Variants in IRS1 observed in about 807,000 individuals in gnomAD.
IRS1 encodes insulin receptor substrate 1.
Under a neutral mutation model 65.6 loss-of-function variants are expected in IRS1, and 34 were observed. That is an observed-to-expected ratio of 0.52 (90% confidence interval 0.39 to 0.69). IRS1 has a LOEUF of 0.69. IRS1 is among the 30% of genes least tolerant of loss of function. The pLI is 0.00. For missense variants in IRS1, 1,641 were observed against 1,720.2 expected, an observed-to-expected ratio of 0.95 and a Z score of 0.81; for synonymous variants, 699 against 683.5, an observed-to-expected ratio of 1.02 and a Z score of -0.35.
chr2:226,784,988 A>G (rs1464186277), intron 1 of IRS1, among the ~76,000 whole-genome samples: 1 of 152,224 alleles, frequency 6.6e-6, no homozygotes, highest in African/African-American at 2.4e-5. Context: ...AATAAGTGAC[A>G]GGACATCACT....
intron 1 of IRS1, among the ~76,000 whole-genome samples, chr2:226,753,370 A>G (rs1027613650): frequency 4.6e-5 from 7 of 152,214 alleles, no homozygotes; most frequent in Non-Finnish European, 7.3e-5. Flanking sequence ...AAAGCACCCT[A>G]AAGTTTTATA....
intron 1 of IRS1, among the ~76,000 whole-genome samples, chr2:226,773,830 AG>A (rs1939209566): frequency 2.0e-5 from 3 of 152,194 alleles, no homozygotes; most frequent in Non-Finnish European, 4.4e-5. Flanking sequence ...CCACTCCAGG[AG>A]AGTAGTCTTA....
At chr2:226,789,913 G>T (rs905898715) in intron 1 of IRS1, among the ~76,000 whole-genome samples, 1 of 152,170 alleles carries the variant, frequency 6.6e-6, no homozygotes, top group Non-Finnish European at 1.5e-5. Context: ...AGCAAGAAAA[G>T]TTAATGTCAG....
Position 226,798,197 on chromosome 2 carries a change from C to T in IRS1, c.542G>A (p.Gly181Asp). The T allele has an allele frequency of 1.2e-6, 2 of 1,613,962 alleles. No individual in the cohort carries two copies. Among genetic ancestry groups the T allele is most frequent in the Non-Finnish European group, 1.7e-6 (2 of 1,180,030 alleles). ...GCTGGTCAGGCAAAGGCGGTAGATA[C>T]CAATCAGGTTCTTTGTCTGACCCAG... is the stretch of plus-strand genomic sequence containing the variant. ...KGLGQTKNLIGIYRLCLTSKT... is the reference protein window; with the variant it reads ...KGLGQTKNLIDIYRLCLTSKT... The change falls in exon 1 of 2, where the codon GGT becomes GAT. Residue 181 changes from glycine to aspartate, a missense_variant. Transcript: ENST00000305123. This position sits in a 1 kb window ranked among gnomAD's most constrained non-coding sequence, Gnocchi z 9.4.
rs1939846263 is a variant in IRS1 at position 226,799,532 on chromosome 2, C to T, written c.-794G>A. 2 of 1,082,412 alleles carry T rather than the reference C, an allele frequency of 1.8e-6. No homozygotes were observed. Among genetic ancestry groups the T allele is most frequent in the Admixed American group, 5.1e-5 (1 of 19,680 alleles). The allele number at this position is 1,082,412 out of a possible 1,614,324, so 67.1% of individuals were successfully genotyped here. On this transcript the variant is annotated 5_prime_UTR_variant, in exon 1 of 2. Coordinates refer to ENST00000305123, the MANE Select transcript of IRS1 (RefSeq NM_005544.3). The surrounding 1 kb of genome is among the most constrained non-coding windows in gnomAD (Gnocchi z 6.1). Reference sequence around the variant, plus strand: ...CGGAGGGACAGACTCATCCCTGCCCCTCGCTCCAGGCGGCTGGGGAGGAGG... The same window carrying T: ...CGGAGGGACAGACTCATCCCTGCCCTTCGCTCCAGGCGGCTGGGGAGGAGG...
chr2:226,799,544 G>T lies in IRS1; in HGVS notation c.-806C>A, dbSNP rs1338121468. 1 of 1,073,022 alleles carries T rather than the reference G, an allele frequency of 9.3e-7. No individual in the cohort carries two copies. Among genetic ancestry groups the T allele is most frequent in the Non-Finnish European group, 1.1e-6 (1 of 872,100 alleles). The allele number at this position is 1,073,022 out of a possible 1,614,324, so 66.5% of individuals were successfully genotyped here. The stretch of plus-strand genomic sequence containing the variant: ...CTCATCCCTGCCCCTCGCTCCAGGC[G>T]GCTGGGGAGGAGGGGAGGGGACAAG... On this transcript the variant is annotated 5_prime_UTR_variant, in exon 1 of 2. Transcript: ENST00000305123. This position sits in a 1 kb window ranked among gnomAD's most constrained non-coding sequence, Gnocchi z 6.1.
At position 226,799,714 on chromosome 2, in the gene IRS1, G is replaced by C. The variant is rs1939853515; in HGVS notation, c.-976C>G. 3 of 999,682 alleles carry C rather than the reference G, an allele frequency of 3.0e-6. No homozygotes were observed. Among genetic ancestry groups the C allele is most frequent in the Admixed American group, 1.2e-4 (2 of 16,274 alleles). The allele number at this position is 999,682 out of a possible 1,614,324, so 61.9% of individuals were successfully genotyped here. On this transcript the variant is annotated 5_prime_UTR_variant, in exon 1 of 2. Coordinates refer to ENST00000305123, the MANE Select transcript of IRS1 (RefSeq NM_005544.3). This position sits in a 1 kb window ranked among gnomAD's most constrained non-coding sequence, Gnocchi z 6.1. ...GCCGAGAGCCCCAACCAAAACAAGC[G>C]GCGGCGTCTGGCTCTGCGCGCCGGC... is the stretch of plus-strand genomic sequence containing the variant.
intron 1 of IRS1, among the ~76,000 whole-genome samples, chr2:226,749,573 A>G (rs1344553162): frequency 6.6e-6 from 1 of 152,226 alleles, no homozygotes; most frequent in Admixed American, 6.5e-5. Flanking sequence ...ACCATTTGCC[A>G]TAAGTCAGTA....
intron 1 of IRS1, among the ~76,000 whole-genome samples, chr2:226,749,979 G>T (rs909362494): frequency 6.6e-6 from 1 of 152,180 alleles, no homozygotes; most frequent in East Asian, 1.9e-4. Flanking sequence ...GCCGAGAGTC[G>T]TGGCTCATGC....
intron 1 of IRS1, among the ~76,000 whole-genome samples, chr2:226,740,970 T>C (rs1938423264): frequency 6.6e-6 from 1 of 152,082 alleles, no homozygotes; most frequent in South Asian, 2.1e-4. Flanking sequence ...ATATTTCTCT[T>C]TCAGTTAACA....
At position 226,737,114 on chromosome 2, in the gene IRS1, C is replaced by A. The variant is rs563710392; in HGVS notation, c.*22-864G>T. 5.5e-4 allele frequency among the ~76,000 whole-genome samples: 72 copies of A among 130,634 alleles called. 1 individual carries two copies. In the Middle Eastern group the frequency reaches 0.023, roughly 42 times the overall value. 85.7% of individuals were successfully genotyped at this position (130,634 alleles called of 152,430 possible). ...CCCCTCCCCCCACCCCACAACAGTC[C>A]CCAGAGTGTGATGTTCCCCTTCCTG... On this transcript the variant is annotated intron_variant, in intron 1 of 1. Coordinates refer to ENST00000305123, the MANE Select transcript of IRS1 (RefSeq NM_005544.3).
At position 226,742,726 on chromosome 2, in the gene IRS1, A is replaced by AAAAAAAG. The variant is rs1431863272; in HGVS notation, c.*22-6477_*22-6476insCTTTTTT. 2.0e-5 allele frequency among the ~76,000 whole-genome samples: 3 copies of AAAAAAAG among 147,788 alleles called. No individual in the cohort carries two copies. In the Admixed American group the frequency reaches 2.1e-4, roughly 10 times the overall value. ...CACACGCATTATGAAAAAAAAAAAAAAGAAGACCGAAAGGCGACCATCAAG... is the reference window on the plus strand; with the variant it reads ...CACACGCATTATGAAAAAAAAAAAAAAAAAAAGAGAAGACCGAAAGGCGACCATCAAG... On this transcript the variant is annotated intron_variant, in intron 1 of 1. Coordinates refer to ENST00000305123, the MANE Select transcript of IRS1 (RefSeq NM_005544.3).
chr2:226,795,585 C>T lies in IRS1; in HGVS notation c.3154G>A (p.Glu1052Lys). Residue 1052 changes from glutamate to lysine, a missense_variant, in exon 1 of 2, where the codon GAG becomes AAG. By Grantham distance (56) the Glu-to-Lys change is moderately conservative (BLOSUM62 1). Coordinates refer to ENST00000305123, the MANE Select transcript of IRS1 (RefSeq NM_005544.3). ...ASPTGPQGAA[E>K]LAAHSSLLGG... is the part of the protein sequence containing the mutation. ...AGCAGGGACGAGTGGGCAGCCAGCT[C>T]TGCTGCCCCTTGAGGCCCAGTCGGG... The T allele has an allele frequency of 6.2e-7, 1 of 1,612,782 alleles. No individual in the cohort carries two copies. Among genetic ancestry groups the T allele is most frequent in the South Asian group, 1.1e-5 (1 of 91,074 alleles).
intron 1 of IRS1, among the ~76,000 whole-genome samples, chr2:226,757,818 CT>C (rs1344857441): frequency 5.0e-4 from 76 of 152,064 alleles, no homozygotes; most frequent in African/African-American, 1.6e-3. Context: ...ACAAAGCATT[CT>C]GATAAAATAT....
rs983709168 is a variant in IRS1, at chr2:226,799,239, A to T, written c.-501T>A. On this transcript the variant is annotated 5_prime_UTR_variant, in exon 1 of 2. In the 5' UTR this introduces an upstream ATG that the reference lacks. Coordinates refer to ENST00000305123, the MANE Select transcript of IRS1 (RefSeq NM_005544.3). This position sits in a 1 kb window ranked among gnomAD's most constrained non-coding sequence, Gnocchi z 6.1. ...TTGGGCAGGGGGAGGCGGGTTGCCAAGTCCCAACGTTGCACGGGGTTCTCC... is the reference window on the plus strand; with the variant it reads ...TTGGGCAGGGGGAGGCGGGTTGCCATGTCCCAACGTTGCACGGGGTTCTCC... 3 of 1,118,454 alleles carry T rather than the reference A, an allele frequency of 2.7e-6. No homozygotes were observed. The East Asian group carries it at 2.7e-4, about 102-fold the overall frequency. The allele number at this position is 1,118,454 out of a possible 1,614,324, so 69.3% of individuals were successfully genotyped here. A position where few individuals can be genotyped will look rare whatever the true frequency, so the allele number is the denominator to read the frequency against.
intron 1 of IRS1, among the ~76,000 whole-genome samples, chr2:226,749,662 T>A (rs1204714493): frequency 6.6e-6 from 1 of 152,194 alleles, no homozygotes; most frequent in South Asian, 2.1e-4. Context: ...TTTCCAGAGA[T>A]AGATCCAAGA....
At chr2:226,782,932 G>A (rs1312525341) in intron 1 of IRS1, among the ~76,000 whole-genome samples, 1 of 152,190 alleles carries the variant, frequency 6.6e-6, no homozygotes, top group African/African-American at 2.4e-5. Context: ...TCCAGGAGGT[G>A]GAGGCTGCAG....
chr2:226,754,523 A>G (rs141955199), intron 1 of IRS1, among the ~76,000 whole-genome samples: 121 of 152,334 alleles, frequency 7.9e-4, no homozygotes, highest in African/African-American at 2.8e-3. Context: ...AGGTTTAGAA[A>G]AGATGAGTAA....
intron 1 of IRS1, among the ~76,000 whole-genome samples, chr2:226,760,445 G>T (rs770478164): frequency 6.6e-6 from 1 of 152,148 alleles, no homozygotes. Flanking sequence ...GGATCTCACA[G>T]ATAGCAAATC....
Sources: allele counts gnomAD v4.1 joint callset (sites outside exome capture counted in the v4.1 genomes callset), GRCh38; gene constraint gnomAD v4.1.1; non-coding constraint Gnocchi (gnomAD v3.1); transcripts MANE v1.5; gene names NCBI Gene and HGNC (gene_info 2026-07-23, HGNC 2026-07-21).